CSMD1: variants seen among roughly 807,000 people sequenced by gnomAD.
CSMD1 encodes CUB and Sushi multiple domains 1.
CSMD1 carries 213 observed loss-of-function variants against 417.5 expected under a neutral mutation model. The ratio of observed to expected loss-of-function variants is 0.51; its 90% CI spans 0.46 to 0.57. CSMD1 has a LOEUF of 0.57. Ranked by LOEUF, CSMD1 falls within the 20% of genes least tolerant of loss-of-function variation. The pLI is 0.00. For missense variants in CSMD1, 6,923 were observed against 4,529.7 expected (o/e 1.53, Z -15.17); for synonymous variants, 2,862 against 1,736.8 (o/e 1.65, Z -16.11).
At chr8:4,000,542 G>A (rs1815586701) in intron 4 of CSMD1, among the ~76,000 whole-genome samples, 1 of 152,254 alleles carries the variant, frequency 6.6e-6, no homozygotes, top group East Asian at 1.9e-4. Context: ...TGGTGAATCA[G>A]GTTAACAACT....
chr8:2,990,271 T>C (rs675492), intron 54 of CSMD1, among the ~76,000 whole-genome samples: 18,206 of 152,256 alleles, frequency 0.12, 2,115 homozygotes, highest in African/African-American at 0.3. Flanking sequence ...CATAGTTTCT[T>C]GTAGATGTGC....
Position 3,367,176 on chromosome 8 carries a change from T to A in CSMD1, c.2971A>T (p.Ser991Cys). The A allele has an allele frequency of 1.2e-6, 2 of 1,613,592 alleles. No homozygotes were observed. Among genetic ancestry groups the A allele is most frequent in the Non-Finnish European group, 1.7e-6 (2 of 1,179,776 alleles). Reference sequence around the variant, plus strand: ...AGCCTGGCAACGGGCTCGGAAAAACTTCCATCCTCTGTGATCAGTAAATAG... The same window carrying A: ...AGCCTGGCAACGGGCTCGGAAAAACATCCATCCTCTGTGATCAGTAAATAG... The part of the protein sequence containing the change: ...HDYLLITEDG[S>C]FSEPVARLTG... Residue 991 changes from serine (S) to cysteine (C), a missense_variant, in exon 20 of 70, where the codon AGT (serine) becomes TGT (cysteine). Transcript: ENST00000635120.
chr8:4,611,176 G>C (rs1204105030), intron 2 of CSMD1, among the ~76,000 whole-genome samples: 3 of 152,104 alleles, frequency 2.0e-5, no homozygotes, highest in Non-Finnish European at 4.4e-5. Context: ...TGGGTTTATA[G>C]ATACATCTGG....
chr8:4,711,214 GT>G (rs1170609070), intron 1 of CSMD1, among the ~76,000 whole-genome samples: 1 of 150,422 alleles, frequency 6.6e-6, no homozygotes, highest in African/African-American at 2.4e-5. Flanking sequence ...CAAATTTGAA[GT>G]AAAAAATGTT....
At chr8:4,450,798 C>CACAA (rs1799095810) in intron 2 of CSMD1, among the ~76,000 whole-genome samples, 1 of 152,094 alleles carries the variant, frequency 6.6e-6, no homozygotes, top group African/African-American at 2.4e-5. Context: ...ATTTTGCTTT[C>CACAA]ATTTACGAGA....
chr8:4,666,696 T>C (rs1804958874), intron 1 of CSMD1, among the ~76,000 whole-genome samples: 1 of 152,220 alleles, frequency 6.6e-6, no homozygotes. Flanking sequence ...ATATTTTTTA[T>C]TTTAAAATGT....
At chr8:4,400,214 T>G (rs1585016661) in intron 3 of CSMD1, among the ~76,000 whole-genome samples, 1 of 152,364 alleles carries the variant, frequency 6.6e-6, no homozygotes, top group East Asian at 1.9e-4. Context: ...TGAAGCAAGC[T>G]TGGAAGTTGC....
chr8:2,998,351 G>C (rs1364399295), intron 53 of CSMD1, among the ~76,000 whole-genome samples, 167 bp from the exon 54 acceptor site: 2 of 152,206 alleles, frequency 1.3e-5, no homozygotes, highest in Non-Finnish European at 2.9e-5. Flanking sequence ...AATATTGGGA[G>C]CTACAACCAC....
chr8:4,741,883 G>C (rs549262246), intron 1 of CSMD1, among the ~76,000 whole-genome samples: 24 of 152,006 alleles, frequency 1.6e-4, no homozygotes, highest in African/African-American at 5.5e-4. Context: ...ACCCAGGCTG[G>C]AGTACAGTAG....
intron 1 of CSMD1, among the ~76,000 whole-genome samples, chr8:4,733,804 A>G (rs550138092): frequency 6.6e-6 from 1 of 152,230 alleles, no homozygotes; most frequent in Non-Finnish European, 1.5e-5. Context: ...GACTACTACT[A>G]AATTATGGAA....
chr8:4,337,870 A>G (rs1213859816), intron 3 of CSMD1, among the ~76,000 whole-genome samples: 1 of 152,150 alleles, frequency 6.6e-6, no homozygotes, highest in Non-Finnish European at 1.5e-5. Context: ...AAGAGTAAAA[A>G]TAGGCATTTT....
At chr8:3,802,710 A>C (rs1800524859) in intron 5 of CSMD1, among the ~76,000 whole-genome samples, 1 of 152,186 alleles carries the variant, frequency 6.6e-6, no homozygotes, top group African/African-American at 2.4e-5. Context: ...AGTGCTTGAC[A>C]ATTTTAATTT....
intron 8 of CSMD1, among the ~76,000 whole-genome samples, chr8:3,600,291 T>C (rs1013876707): frequency 2.0e-5 from 3 of 152,214 alleles, no homozygotes; most frequent in East Asian, 3.8e-4. Flanking sequence ...ATTTAGAATT[T>C]GGTGCCAAAG....
chr8:3,231,684 G>A (rs10086731), intron 26 of CSMD1, among the ~76,000 whole-genome samples: 2,830 of 152,208 alleles, frequency 0.019, 82 homozygotes, highest in African/African-American at 0.065. Flanking sequence ...GTTAAACTGT[G>A]CAGATTAAAA....
At chr8:3,411,560 T>C (rs1005137404) in intron 12 of CSMD1, among the ~76,000 whole-genome samples, 1 of 151,604 alleles carries the variant, frequency 6.6e-6, no homozygotes, top group African/African-American at 2.4e-5. Flanking sequence ...TTTGCATTCC[T>C]GGGTTACTTC....
intron 49 of CSMD1, among the ~76,000 whole-genome samples, chr8:3,074,263 T>C (rs893155277): frequency 3.9e-5 from 6 of 152,182 alleles, no homozygotes; most frequent in African/African-American, 9.6e-5. Context: ...CTTCAATCTC[T>C]GACCAGTAAG....
At chr8:3,889,104 G>A (rs944242948) in intron 5 of CSMD1, among the ~76,000 whole-genome samples, 4 of 151,938 alleles carry the variant, frequency 2.6e-5, no homozygotes, top group African/African-American at 4.8e-5. Context: ...ATTGGTTGCT[G>A]CAAGTTAGAA....
chr8:3,095,960 C>A (rs1815265260), intron 47 of CSMD1, among the ~76,000 whole-genome samples: 1 of 152,172 alleles, frequency 6.6e-6, no homozygotes, highest in Non-Finnish European at 1.5e-5. Flanking sequence ...AAGAATCACA[C>A]TTGAAAAACT....
chr8:4,896,993 C>T (rs1412502761), intron 1 of CSMD1, among the ~76,000 whole-genome samples: 5 of 152,080 alleles, frequency 3.3e-5, no homozygotes, highest in Admixed American at 2.0e-4. Flanking sequence ...TGATGTGTCT[C>T]GTTTTTTACA....
Sources: allele counts gnomAD v4.1 joint callset (sites outside exome capture counted in the v4.1 genomes callset), GRCh38; gene constraint gnomAD v4.1.1; transcripts MANE v1.5; gene names NCBI Gene and HGNC (gene_info 2026-07-23, HGNC 2026-07-21).